Variants in PHF3 observed in about 807,000 individuals in gnomAD.
PHF3 encodes the protein PHD finger protein 3.
In PHF3, 41 loss-of-function variants were observed where a neutral mutation model predicts 178.4. That is an observed-to-expected ratio of 0.23 (90% confidence interval 0.18 to 0.30). The LOEUF is 0.30. Ranked by LOEUF, PHF3 falls within the 10% of genes least tolerant of loss-of-function variation. PHF3 has a pLI of 1.00. For synonymous variants in PHF3, 842 were observed against 800.5 expected, an observed-to-expected ratio of 1.05 and a Z score of -0.88; for missense variants, 2,346 against 2,398.1, an observed-to-expected ratio of 0.98 and a Z score of 0.45.
In PHF3 at chr6:63,684,142, T is replaced by C. The variant is rs1220713293; in HGVS notation, c.420T>C (p.Ser140=). 3 of 1,603,544 alleles carry C rather than the reference T, an allele frequency of 1.9e-6. No individual in the cohort carries two copies. Among genetic ancestry groups the C allele is most frequent in the Non-Finnish European group, 1.7e-6 (2 of 1,176,676 alleles). The change falls in exon 4 of 16, where the codon AGT becomes AGC. Residue 140 remains serine, a synonymous_variant. Coordinates refer to ENST00000262043, the MANE Select transcript of PHF3 (RefSeq NM_001370348.2). ...PRLMAQEQVR[S]LRQSTIAKRS... is the part of the protein sequence containing the mutation. ...CCCCTGTGATAGAACAAGTAAGAAG[T>C]TTGCGACAGAGCACTATTGCCAAGC...
rs1359581564 is a variant in PHF3, at chr6:63,692,021, A to G, written c.2474A>G (p.His825Arg). ...AAATATATAGATGATACAGTGAAGC[A>G]CAAGGTCAAAATTTTAAAACGGGTG... ...RTKYIDDTVK[H>R]KVKILKRESG... The change falls in exon 5 of 16, where the codon CAC becomes CGC. Residue 825 changes from histidine (H) to arginine (R), a missense_variant. Transcript: ENST00000262043. 1 of 1,606,812 alleles carries G rather than the reference A, an allele frequency of 6.2e-7. No individual in the cohort carries two copies. Among genetic ancestry groups the G allele is most frequent in the Admixed American group, 1.7e-5 (1 of 59,326 alleles).
chr6:63,699,480 G>T (rs770504105), intron 8 of PHF3, among the ~76,000 whole-genome samples: 96 of 152,312 alleles, frequency 6.3e-4, no homozygotes, highest in Admixed American at 3.5e-3. Flanking sequence ...CACTAACAGA[G>T]ACTTAAAATT....
At position 63,725,285 on chromosome 6, in the gene PHF3, A is replaced by G. The variant is rs1376077794; in HGVS notation, c.*11577A>G. Among the ~76,000 whole-genome samples, 1 of 152,060 alleles carries G rather than the reference A, an allele frequency of 6.6e-6. No individual in the cohort carries two copies. Among genetic ancestry groups the G allele is most frequent in the Non-Finnish European group, 1.5e-5 (1 of 67,960 alleles). The stretch of plus-strand genomic sequence containing the variant: ...TAAGAAGATGTGCTCTTGCCCTCCT[A>G]TGTGTATTAGTGTGTATGAGCTTTA... On this transcript the variant is annotated 3_prime_UTR_variant, in exon 16 of 16. Transcript: ENST00000262043.
In PHF3 at chr6:63,703,587, A is replaced by G; in HGVS notation, c.3283A>G (p.Lys1095Glu). 1 of 1,613,130 alleles carries G rather than the reference A, an allele frequency of 6.2e-7. No homozygotes were observed. The highest frequency in any genetic ancestry group is 8.5e-7 in the Non-Finnish European group (1 of 1,179,700). ...GAAGCCAGAAGGATCTGAAAAACAA[A>G]AAGAGGAGGTTGACTCTATGTCTAA... ...LEKPEGSEKQ[K>E]EEVDSMSKDT... The change falls in exon 11 of 16, where the codon AAA (lysine) becomes GAA (glutamate). Residue 1095 changes from lysine to glutamate, a missense_variant. Transcript: ENST00000262043.
chr6:63,651,250 A>C (rs1765007964), intron 2 of PHF3, among the ~76,000 whole-genome samples: 1 of 152,196 alleles, frequency 6.6e-6, no homozygotes, highest in African/African-American at 2.4e-5. Flanking sequence ...GGAACATTCA[A>C]AAGTTGCCCT....
intron 5 of PHF3, among the ~76,000 whole-genome samples, chr6:63,694,145 A>G (rs1332527452): frequency 1.3e-5 from 2 of 152,210 alleles, no homozygotes; most frequent in African/African-American, 4.8e-5. Context: ...TTTGTGGATT[A>G]TAATTAGAAC....
At chr6:63,707,691 T>C (rs1049223323) in intron 13 of PHF3, among the ~76,000 whole-genome samples, 3 of 152,186 alleles carry the variant, frequency 2.0e-5, no homozygotes, top group African/African-American at 7.2e-5. Flanking sequence ...AAAATTCCTT[T>C]TATTATTTGA....
chr6:63,692,231 T>G (rs1317924946), intron 5 of PHF3, among the ~76,000 whole-genome samples, 188 bp downstream of exon 5: 1 of 152,216 alleles, frequency 6.6e-6, no homozygotes, highest in African/African-American at 2.4e-5. Context: ...AGATGGTGAC[T>G]TTTAGAATAT....
chr6:63,701,058 G>T (rs939736609), intron 9 of PHF3, among the ~76,000 whole-genome samples: 1 of 152,104 alleles, frequency 6.6e-6, no homozygotes, highest in Non-Finnish European at 1.5e-5. Context: ...AATTACATCT[G>T]TATTTTTCAG....
chr6:63,685,842 CA>C lies in PHF3; in HGVS notation c.2121del (p.Phe708LeufsTer42). 6.2e-7 allele frequency: 1 copy of C among 1,613,590 alleles called. No homozygotes were observed. The highest frequency in any genetic ancestry group is 8.5e-7 in the Non-Finnish European group (1 of 1,180,012). The stretch of plus-strand genomic sequence containing the variant: ...AGAGAAGGCTCTGATCATAGCTCCT[CA>C]TTTGAAAGCAAATATATGTGGACTC... ...IRREGSDHSS[S>X]FESKYMWTPS... On this transcript the variant is annotated frameshift_variant, in exon 4 of 16. Coordinates refer to ENST00000262043, the MANE Select transcript of PHF3 (RefSeq NM_001370348.2). LOFTEE classifies it high-confidence loss of function.
At position 63,644,658 on chromosome 6, in the gene PHF3, T is replaced by C. The variant is rs560373203; in HGVS notation, c.-25-1869T>C. Among the ~76,000 whole-genome samples the C allele has an allele frequency of 5.3e-5, 8 of 152,272 alleles. No homozygotes were observed. The South Asian group carries it at 1.0e-3, about 20-fold the overall frequency. ...TAAATGGAAAAAAAATGAGAAGAGA[T>C]ACTGAAACTTCTATTTAGAAGGACA... On this transcript the variant is annotated intron_variant, in intron 1 of 15. Transcript: ENST00000262043.
intron 2 of PHF3, among the ~76,000 whole-genome samples, chr6:63,674,157 A>G (rs1281274425): frequency 2.0e-5 from 3 of 151,788 alleles, no homozygotes; most frequent in Admixed American, 2.0e-4. Flanking sequence ...TTTAGTAACC[A>G]TGTTTCTTTT....
chr6:63,708,575 G>A (rs1449809071), intron 13 of PHF3, among the ~76,000 whole-genome samples: 4 of 152,002 alleles, frequency 2.6e-5, no homozygotes, highest in Admixed American at 6.6e-5. Context: ...CTCAGTCTTC[G>A]TGGAAAAAAT....
At chr6:63,657,295 G>A (rs557534778) in intron 2 of PHF3, among the ~76,000 whole-genome samples, 4 of 152,190 alleles carry the variant, frequency 2.6e-5, no homozygotes, top group African/African-American at 9.6e-5. Flanking sequence ...ATATACAGTA[G>A]GCTCTTGAAT....
rs1325871706 is a variant in PHF3, at chr6:63,711,343, T to G, written c.3978T>G (p.Leu1326=). Residue 1326 remains leucine (L), a synonymous_variant, in exon 15 of 16, where the codon CTT becomes CTG. Coordinates refer to ENST00000262043, the MANE Select transcript of PHF3 (RefSeq NM_001370348.2). ...CCACAGATAAAATTCCACACCCTCT[T>G]GTGCCTTTTGATGGACCTGGTAGGT... ...LGATDKIPHP[L]VPFDGPGLEL... 1 of 1,609,692 alleles carries G rather than the reference T, an allele frequency of 6.2e-7. No individual in the cohort carries two copies. Among genetic ancestry groups the G allele is most frequent in the Non-Finnish European group, 8.5e-7 (1 of 1,178,214 alleles).
In PHF3 at chr6:63,720,962, G is replaced by T; in HGVS notation, c.*7254G>T. The T allele has an allele frequency of 6.4e-7, 1 of 1,551,320 alleles. No individual in the cohort carries two copies. Among genetic ancestry groups the T allele is most frequent in the Non-Finnish European group, 8.7e-7 (1 of 1,146,782 alleles). On this transcript the variant is annotated 3_prime_UTR_variant, in exon 16 of 16. Coordinates refer to ENST00000262043, the MANE Select transcript of PHF3 (RefSeq NM_001370348.2). ...TAGGCACAGAGATTCTTTCTCCCAA[G>T]TTAACTGCTATTTTCAAGGTCTGAT... is the stretch of plus-strand genomic sequence containing the variant.
Position 63,706,076 on chromosome 6 carries a change from G to C in PHF3, c.3415G>C (p.Val1139Leu). The change falls in exon 12 of 16, where the codon GTT (valine) becomes CTT (leucine). Residue 1139 changes from valine (V) to leucine (L), a missense_variant. Val to Leu is a conservative substitution (Grantham distance 32, BLOSUM62 1). Coordinates refer to ENST00000262043, the MANE Select transcript of PHF3 (RefSeq NM_001370348.2). ...VDDLSPKKVKVVVGVARKHSD... is the reference protein window; with the variant it reads ...VDDLSPKKVKLVVGVARKHSD... The stretch of plus-strand genomic sequence containing the variant: ...TGATCTTTCTCCAAAAAAAGTAAAA[G>C]TTGTTGTAGGAGTAGCTCGCAAACA... The C allele has an allele frequency of 6.2e-7, 1 of 1,613,780 alleles. No homozygotes were observed. The highest frequency in any genetic ancestry group is 8.5e-7 in the Non-Finnish European group (1 of 1,179,930).
chr6:63,711,181 T>A lies in PHF3; in HGVS notation c.3816T>A (p.Val1272=). The change falls in exon 15 of 16, where the codon GTT becomes GTA. Residue 1272 remains valine (V), a synonymous_variant. Coordinates refer to ENST00000262043, the MANE Select transcript of PHF3 (RefSeq NM_001370348.2). ...KASGTKEICV[V]RFTPVTEEDQ... ...TTCTTGAACAGGAAATTTGTGTGGT[T>A]CGCTTCACACCAGTAACTGAAGAAG... 1 of 1,593,892 alleles carries A rather than the reference T, an allele frequency of 6.3e-7. No homozygotes were observed. The highest frequency in any genetic ancestry group is 8.5e-7 in the Non-Finnish European group (1 of 1,169,668).
intron 1 of PHF3, among the ~76,000 whole-genome samples, chr6:63,639,534 C>T (rs1054600075): frequency 6.6e-6 from 1 of 151,916 alleles, no homozygotes; most frequent in Non-Finnish European, 1.5e-5. Context: ...TTTAAGATTT[C>T]ATTAATGATA....
Sources: gnomAD v4.1 joint callset for allele counts (sites outside exome capture counted in the v4.1 genomes callset) on GRCh38, gnomAD v4.1.1 for gene constraint, MANE v1.5 for transcripts, NCBI Gene and HGNC (gene_info 2026-07-23, HGNC 2026-07-21) for gene names.